The following SDK1 variants were observed in gnomAD, a reference collection of about 807,000 sequenced individuals.
SDK1 encodes sidekick cell adhesion molecule 1.
In SDK1, 157 loss-of-function variants were observed where a neutral mutation model predicts 245.5. The ratio of observed to expected loss-of-function variants is 0.64; its 90% CI spans 0.56 to 0.73. The LOEUF (loss-of-function observed/expected upper bound fraction) is 0.73. Among genes scored for constraint, SDK1 ranks in the 30% least tolerant of loss-of-function variants. SDK1 has a pLI of 0.00. For synonymous variants in SDK1, 1,647 were observed against 1,278.5 expected (o/e 1.29, Z -6.15); for missense variants, 3,583 against 3,002.3 (o/e 1.19, Z -4.52).
chr7:3,426,885 A>G (rs1043173904), intron 1 of SDK1, among the ~76,000 whole-genome samples: 14 of 152,352 alleles, frequency 9.2e-5, no homozygotes, highest in Admixed American at 9.1e-4. Flanking sequence ...TGTCATCCTT[A>G]AGGAATTTAT....
chr7:3,633,336 C>T (rs1266435173), intron 2 of SDK1, among the ~76,000 whole-genome samples: 1 of 152,136 alleles, frequency 6.6e-6, no homozygotes, highest in Non-Finnish European at 1.5e-5. Flanking sequence ...CCCTGACCAC[C>T]TAGGGGAAGT....
intron 1 of SDK1, among the ~76,000 whole-genome samples, chr7:3,413,146 A>G (rs1344388452): frequency 6.6e-6 from 1 of 152,192 alleles, no homozygotes; most frequent in Non-Finnish European, 1.5e-5. Flanking sequence ...GGATGATGTA[A>G]AGGAGCCAGA....
intron 1 of SDK1, among the ~76,000 whole-genome samples, chr7:3,509,787 C>G (rs1766002146): frequency 6.6e-6 from 1 of 152,292 alleles, no homozygotes; most frequent in Non-Finnish European, 1.5e-5. Context: ...AGCAGCATGA[C>G]AGAGAGAGCC....
At chr7:3,325,579 A>G (rs1210816206) in intron 1 of SDK1, among the ~76,000 whole-genome samples, 2 of 152,124 alleles carry the variant, frequency 1.3e-5, no homozygotes, top group East Asian at 1.9e-4. Context: ...ATTACAGACA[A>G]TAGGTTTATA....
chr7:3,951,642 G>T, intron 6 of SDK1, 88 bp from the exon 7 acceptor site: 1 of 1,231,836 alleles, frequency 8.1e-7, no homozygotes, highest in Admixed American at 1.8e-5. Flanking sequence ...CATTAGCTTC[G>T]TCAAGCCTGT....
intron 14 of SDK1, among the ~76,000 whole-genome samples, chr7:3,999,183 C>T (rs891405576): frequency 3.3e-5 from 5 of 152,118 alleles, no homozygotes; most frequent in Non-Finnish European, 4.4e-5. Context: ...TAAGGGCAGG[C>T]TCATGTGAAA....
At chr7:3,828,196 T>G (rs933151907) in intron 5 of SDK1, among the ~76,000 whole-genome samples, 2 of 151,966 alleles carry the variant, frequency 1.3e-5, no homozygotes, top group Non-Finnish European at 2.9e-5. Context: ...GAAAATGAAT[T>G]GAACCTGGGA....
intron 4 of SDK1, among the ~76,000 whole-genome samples, chr7:3,679,118 G>A (rs1215355100): frequency 2.6e-5 from 4 of 152,206 alleles, no homozygotes; most frequent in African/African-American, 9.7e-5. Flanking sequence ...GATCAAAAGT[G>A]AAAACTTGCT....
chr7:3,638,210 T>G (rs185459561), intron 2 of SDK1, among the ~76,000 whole-genome samples: 1 of 152,188 alleles, frequency 6.6e-6, no homozygotes, highest in Non-Finnish European at 1.5e-5. Context: ...TAAAGCCCAG[T>G]TGGGGAGACA....
chr7:3,372,751 C>G (rs1781258347), intron 1 of SDK1, among the ~76,000 whole-genome samples: 1 of 152,136 alleles, frequency 6.6e-6, no homozygotes, highest in African/African-American at 2.4e-5. Context: ...AATGCCAGCC[C>G]AGGAAGAGAG....
intron 1 of SDK1, among the ~76,000 whole-genome samples, chr7:3,512,838 AT>A (rs1370798494): frequency 6.6e-6 from 1 of 152,082 alleles, no homozygotes; most frequent in Non-Finnish European, 1.5e-5. Flanking sequence ...TCACGATGAA[AT>A]CTTTTTCTGT....
At chr7:3,485,692 T>TTC (rs1250993921) in intron 1 of SDK1, among the ~76,000 whole-genome samples, 5 of 141,766 alleles carry the variant, frequency 3.5e-5, no homozygotes, top group African/African-American at 1.0e-4. Flanking sequence ...GGTTTTTTTT[T>TTC]TTTTTTTTTT....
chr7:3,480,532 C>T (rs1440943409), intron 1 of SDK1, among the ~76,000 whole-genome samples: 5 of 152,220 alleles, frequency 3.3e-5, no homozygotes, highest in Non-Finnish European at 7.3e-5. Flanking sequence ...CGATAAGCTG[C>T]CTGCCCATGG....
intron 16 of SDK1, among the ~76,000 whole-genome samples, chr7:4,014,140 G>A (rs907226917): frequency 6.6e-6 from 1 of 152,224 alleles, no homozygotes; most frequent in Non-Finnish European, 1.5e-5. Flanking sequence ...TCTTCAGCAT[G>A]TGCAGGAAGA....
chr7:4,009,899 C>T (rs1250442752), intron 14 of SDK1, among the ~76,000 whole-genome samples: 5 of 152,294 alleles, frequency 3.3e-5, no homozygotes, highest in African/African-American at 9.6e-5. Context: ...CGCAGACTTA[C>T]GAATCCCCGC....
chr7:3,862,746 T>C (rs760732017), intron 5 of SDK1, among the ~76,000 whole-genome samples: 2 of 152,206 alleles, frequency 1.3e-5, no homozygotes, highest in Non-Finnish European at 2.9e-5. Flanking sequence ...AGTTCCATAC[T>C]TCAGTGTTCC....
chr7:3,650,152 C>T lies in SDK1; in HGVS notation c.713+8047C>T, dbSNP rs183447780. On this transcript the variant is annotated intron_variant, in intron 4 of 44. Transcript: ENST00000404826. ...GCAGTTTCAAGCTCCTGGGCTCAAG[C>T]CGTCCTCCTGCTTTGGCCTCCCAGA... 2.9e-4 allele frequency among the ~76,000 whole-genome samples: 44 copies of T among 152,272 alleles called. 1 individual carries two copies. The East Asian group carries it at 8.5e-3, about 29-fold the overall frequency.
At chr7:3,789,825 A>G (rs901269891) in intron 4 of SDK1, among the ~76,000 whole-genome samples, 1 of 151,870 alleles carries the variant, frequency 6.6e-6, no homozygotes, top group Non-Finnish European at 1.5e-5. Flanking sequence ...ACAGGAGCTG[A>G]CCAGCGGAAC....
intron 3 of SDK1, among the ~76,000 whole-genome samples, chr7:3,641,224 A>G (rs906035913): frequency 2.0e-5 from 3 of 152,280 alleles, no homozygotes; most frequent in Admixed American, 6.5e-5. Context: ...CTATTTTGCC[A>G]TATCTGTTTG....
Sources: gnomAD v4.1 joint callset for allele counts (sites outside exome capture counted in the v4.1 genomes callset) on GRCh38, gnomAD v4.1.1 for gene constraint, MANE v1.5 for transcripts, NCBI Gene and HGNC (gene_info 2026-07-23, HGNC 2026-07-21) for gene names.